HLCS: variants seen among roughly 807,000 people sequenced by gnomAD.
HLCS encodes biotin--protein ligase.
Under a neutral mutation model 75.0 loss-of-function variants are expected in HLCS, and 53 were observed. The observed-to-expected ratio is 0.71, with a 90% CI of 0.57 to 0.89. HLCS has a LOEUF of 0.89. Among genes scored for constraint, HLCS ranks in the 40% least tolerant of loss-of-function variants. The pLI, the probability that HLCS is intolerant of heterozygous loss-of-function variation, is 0.00. For missense variants in HLCS, 966 were observed against 1,074.0 expected (o/e 0.90, Z 1.41); for synonymous variants, 431 against 428.6 (o/e 1.01, Z -0.07).
At chr21:36,851,281 C>T (rs530045538) in intron 6 of HLCS, among the ~76,000 whole-genome samples, 11 of 152,280 alleles carry the variant, frequency 7.2e-5, no homozygotes, top group African/African-American at 2.4e-4. Flanking sequence ...GCAACCTAAG[C>T]GTCCATCAAC....
intron 9 of HLCS, among the ~76,000 whole-genome samples, chr21:36,758,319 G>C (rs115405267): frequency 6.6e-6 from 1 of 152,028 alleles, no homozygotes; most frequent in East Asian, 1.9e-4. Flanking sequence ...TGTCACTCAG[G>C]CTGGTCTCGA....
At chr21:36,947,011 G>A (rs2067431469) in intron 2 of HLCS, among the ~76,000 whole-genome samples, 1 of 152,196 alleles carries the variant, frequency 6.6e-6, no homozygotes, top group South Asian at 2.1e-4. Context: ...TGGGATGAAG[G>A]TGCGTGGGAA....
chr21:36,988,274 G>A (rs1052446474), intron 1 of HLCS, among the ~76,000 whole-genome samples: 1 of 151,998 alleles, frequency 6.6e-6, no homozygotes, highest in Non-Finnish European at 1.5e-5. Context: ...CCAAAAATAA[G>A]GAGATACTTG....
intron 5 of HLCS, among the ~76,000 whole-genome samples, chr21:36,903,500 A>C (rs547119202): frequency 1.3e-5 from 2 of 152,316 alleles, no homozygotes; most frequent in African/African-American, 4.8e-5. Flanking sequence ...CAGAAAGATA[A>C]AACTATTATT....
chr21:36,813,481 G>C (rs2835464), intron 6 of HLCS, among the ~76,000 whole-genome samples: 17,558 of 152,206 alleles, frequency 0.12, 1,726 homozygotes, highest in African/African-American at 0.26. Flanking sequence ...TGGGAGAAAG[G>C]AAATTTTGAA....
intron 5 of HLCS, among the ~76,000 whole-genome samples, chr21:36,898,953 CAG>C: frequency 6.6e-6 from 1 of 152,072 alleles, no homozygotes; most frequent in South Asian, 2.1e-4. Flanking sequence ...CCCAGATACT[CAG>C]GTGGCAGCGG....
At chr21:36,857,287 C>T (rs763976730) in intron 6 of HLCS, among the ~76,000 whole-genome samples, 8 of 152,168 alleles carry the variant, frequency 5.3e-5, no homozygotes, top group Non-Finnish European at 1.2e-4. Flanking sequence ...TGAACAAACC[C>T]TCAAGATCCT....
chr21:36,927,674 G>T (rs548802903), intron 5 of HLCS, among the ~76,000 whole-genome samples: 1 of 152,330 alleles, frequency 6.6e-6, no homozygotes, highest in African/African-American at 2.4e-5. Flanking sequence ...AAAAGAAAGT[G>T]CCACCAATAT....
chr21:36,936,057 C>T (rs756664049), intron 4 of HLCS, among the ~76,000 whole-genome samples: 15 of 152,216 alleles, frequency 9.9e-5, no homozygotes, highest in Non-Finnish European at 1.9e-4. Context: ...ATGGTTTCAA[C>T]TTCCTACCTT....
chr21:36,829,715 G>T (rs996372307), intron 6 of HLCS, among the ~76,000 whole-genome samples: 2 of 152,092 alleles, frequency 1.3e-5, no homozygotes, highest in African/African-American at 4.8e-5. Flanking sequence ...TTTATTTCAA[G>T]ATACTAAAAA....
At chr21:36,780,928 G>C (rs1201050068) in intron 6 of HLCS, among the ~76,000 whole-genome samples, 2 of 124,460 alleles carry the variant, frequency 1.6e-5, no homozygotes, top group African/African-American at 6.2e-5. Context: ...CCCCAGCTCT[G>C]CCCCACCCCC....
chr21:36,862,561 T>C (rs999518193), intron 6 of HLCS, among the ~76,000 whole-genome samples: 1 of 152,238 alleles, frequency 6.6e-6, no homozygotes, highest in African/African-American at 2.4e-5. Flanking sequence ...ATGTGCTTAA[T>C]AATAAATCTA....
At chr21:36,866,611 AAC>A (rs1458778194) in intron 6 of HLCS, among the ~76,000 whole-genome samples, 1 of 152,240 alleles carries the variant, frequency 6.6e-6, no homozygotes, top group Non-Finnish European at 1.5e-5. Context: ...TCACAGAGGA[AAC>A]ACAGGGATCA....
In HLCS at chr21:36,765,939, G is replaced by A. The variant is rs549450724; in HGVS notation, c.1961-767C>T. Reference sequence around the variant, plus strand: ...TGGGATTACAGGCATGAGCCACCACGCCCAGCCACACTTTAAATGGAGGAA... The same window carrying A: ...TGGGATTACAGGCATGAGCCACCACACCCAGCCACACTTTAAATGGAGGAA... On this transcript the variant is annotated intron_variant, in intron 7 of 10. Transcript: ENST00000674895. 4.0e-3 allele frequency among the ~76,000 whole-genome samples: 613 copies of A among 152,262 alleles called. 8 individuals carry two copies. The highest frequency in any genetic ancestry group is 4.2e-3 in the Non-Finnish European group (287 of 68,016).
chr21:36,828,323 T>C (rs1021361150), intron 6 of HLCS, among the ~76,000 whole-genome samples: 35 of 152,084 alleles, frequency 2.3e-4, no homozygotes, highest in African/African-American at 8.2e-4. Context: ...CTCATAACTC[T>C]AGAGTTCAGT....
Position 36,756,677 on chromosome 21 carries a change from T to A in HLCS, c.2315A>T (p.Lys772Met). Residue 772 changes from lysine (K) to methionine (M), a missense_variant, in exon 10 of 11, where the codon AAG becomes ATG. By Grantham distance (95) the Lys-to-Met change is moderately conservative. Transcript: ENST00000674895. ...DLITEYNKQH[K>M]AELKPLRADY... ...GGCTCTTAAGGGCTTCAGTTCTGCCTTGTGTTGTTTATTGTATTCTGTGAT... is the reference window on the plus strand; with the variant it reads ...GGCTCTTAAGGGCTTCAGTTCTGCCATGTGTTGTTTATTGTATTCTGTGAT... 7 of 1,614,180 alleles carry A rather than the reference T, an allele frequency of 4.3e-6. No individual in the cohort carries two copies. The highest frequency in any genetic ancestry group is 5.9e-6 in the Non-Finnish European group (7 of 1,180,036).
At chr21:36,859,871 G>C (rs1424642587) in intron 6 of HLCS, among the ~76,000 whole-genome samples, 1 of 152,250 alleles carries the variant, frequency 6.6e-6, no homozygotes, top group Non-Finnish European at 1.5e-5. Flanking sequence ...ACAGTGACAA[G>C]GAGATGGGGA....
intron 6 of HLCS, among the ~76,000 whole-genome samples, chr21:36,844,695 T>TG (rs2062735338): frequency 6.6e-6 from 1 of 151,328 alleles, no homozygotes; most frequent in Admixed American, 6.6e-5. Flanking sequence ...CGACTATCTT[T>TG]TTTTTTTTTT....
At chr21:36,965,363 A>G (rs1289717899) in intron 1 of HLCS, among the ~76,000 whole-genome samples, 1 of 152,264 alleles carries the variant, frequency 6.6e-6, no homozygotes, top group African/African-American at 2.4e-5. Context: ...ACCGATGTCC[A>G]TGAAATTTTG....
Sources: gnomAD v4.1 joint callset for allele counts (sites outside exome capture counted in the v4.1 genomes callset) on GRCh38, gnomAD v4.1.1 for gene constraint, MANE v1.5 for transcripts, NCBI Gene and HGNC (gene_info 2026-07-23, HGNC 2026-07-21) for gene names.